The following STARD3NL variants were observed in gnomAD, a reference collection of about 807,000 sequenced individuals.
STARD3NL encodes STARD3 N-terminal-like protein.
Under a neutral mutation model 30.9 loss-of-function variants are expected in STARD3NL, and 17 were observed. The ratio of observed to expected loss-of-function variants is 0.55; its 90% CI spans 0.38 to 0.82. The LOEUF (loss-of-function observed/expected upper bound fraction) is 0.82, where lower values mean the gene tolerates loss of function less well. Among genes scored for constraint, STARD3NL ranks in the 40% least tolerant of loss-of-function variants. The pLI is 0.00. For missense variants in STARD3NL, 234 were observed against 277.6 expected, an observed-to-expected ratio of 0.84 and a Z score of 1.12; for synonymous variants, 112 against 100.5, an observed-to-expected ratio of 1.11 and a Z score of -0.69.
intron 1 of STARD3NL, among the ~76,000 whole-genome samples, chr7:38,204,708 G>C (rs1785360950): frequency 6.6e-6 from 1 of 151,716 alleles, no homozygotes; most frequent in African/African-American, 2.4e-5. Context: ...CTGGTTTTTT[G>C]AAAAGATCAA....
At chr7:38,210,601 G>C (rs1353002521) in intron 2 of STARD3NL, among the ~76,000 whole-genome samples, 1 of 152,120 alleles carries the variant, frequency 6.6e-6, no homozygotes, top group Non-Finnish European at 1.5e-5. Flanking sequence ...AAGGCCTCTT[G>C]GTCCACCTTT....
chr7:38,208,036 G>T (rs1013712405), intron 2 of STARD3NL, among the ~76,000 whole-genome samples: 3 of 152,154 alleles, frequency 2.0e-5, no homozygotes, highest in African/African-American at 7.2e-5. Context: ...TTTTAATAAA[G>T]TTTTATTGGA....
At chr7:38,179,670 G>T (rs1784168359) in intron 1 of STARD3NL, among the ~76,000 whole-genome samples, 1 of 152,208 alleles carries the variant, frequency 6.6e-6, no homozygotes, top group Non-Finnish European at 1.5e-5. Flanking sequence ...TTTTGTTGGA[G>T]AATATAATAA....
chr7:38,202,921 G>A (rs1028228600), intron 1 of STARD3NL, among the ~76,000 whole-genome samples: 9 of 151,896 alleles, frequency 5.9e-5, no homozygotes, highest in Admixed American at 2.6e-4. Flanking sequence ...TTTTATGGCT[G>A]CATAGTATTC....
intron 1 of STARD3NL, among the ~76,000 whole-genome samples, chr7:38,180,418 C>G (rs1245537855): frequency 6.6e-6 from 1 of 152,220 alleles, no homozygotes; most frequent in African/African-American, 2.4e-5. Flanking sequence ...TTGGTCCCTG[C>G]TCTTCTCCAA....
chr7:38,197,837 A>G (rs575087723), intron 1 of STARD3NL, among the ~76,000 whole-genome samples: 2 of 152,162 alleles, frequency 1.3e-5, no homozygotes, highest in Non-Finnish European at 2.9e-5. Context: ...CTAGCAAGGT[A>G]AGTTTATAAA....
At chr7:38,194,407 C>CTT (rs1562601408) in intron 1 of STARD3NL, among the ~76,000 whole-genome samples, 1 of 152,102 alleles carries the variant, frequency 6.6e-6, no homozygotes, top group Non-Finnish European at 1.5e-5. Flanking sequence ...CATCATCCTC[C>CTT]TTTTGGATTT....
intron 6 of STARD3NL, among the ~76,000 whole-genome samples, chr7:38,218,103 C>T (rs1786229664): frequency 6.6e-6 from 1 of 152,118 alleles, no homozygotes; most frequent in Non-Finnish European, 1.5e-5. Context: ...AGCCCACATG[C>T]CCCACCCACC....
Position 38,189,035 on chromosome 7 carries a change from T to C in STARD3NL, c.-59+10615T>C, listed in dbSNP as rs544844067. The stretch of plus-strand genomic sequence containing the variant: ...TTAAGTTCTGTTATGTGCACACAAT[T>C]ACTTTTATCTGCTGATGGTAATAGA... On this transcript the variant is annotated intron_variant, in intron 1 of 8. Transcript: ENST00000009041. Among the ~76,000 whole-genome samples, 9 of 152,314 alleles carry C rather than the reference T, an allele frequency of 5.9e-5. No individual in the cohort carries two copies. The East Asian group carries it at 1.7e-3, about 29-fold the overall frequency.
intron 2 of STARD3NL, among the ~76,000 whole-genome samples, chr7:38,211,348 AT>A (rs57424331): frequency 0.076 from 11,497 of 151,956 alleles, 1,420 homozygotes; most frequent in African/African-American, 0.26. Context: ...AGATGGGAGG[AT>A]GATCTGGGAA....
chr7:38,199,352 GT>G (rs1455245258), intron 1 of STARD3NL, among the ~76,000 whole-genome samples: 3 of 152,184 alleles, frequency 2.0e-5, no homozygotes, highest in African/African-American at 7.2e-5. Flanking sequence ...AAAACAAACA[GT>G]TGTAATCTCC....
At chr7:38,179,491 T>G (rs1784160219) in intron 1 of STARD3NL, among the ~76,000 whole-genome samples, 1 of 152,268 alleles carries the variant, frequency 6.6e-6, no homozygotes, top group African/African-American at 2.4e-5. Flanking sequence ...AAACAGCCTC[T>G]GAGGGATATT....
At chr7:38,186,822 C>G (rs1784479112) in intron 1 of STARD3NL, among the ~76,000 whole-genome samples, 1 of 152,040 alleles carries the variant, frequency 6.6e-6, no homozygotes, top group South Asian at 2.1e-4. Flanking sequence ...AAAATGTATC[C>G]CTGTCATTAA....
At chr7:38,194,764 G>T (rs1784833471) in intron 1 of STARD3NL, among the ~76,000 whole-genome samples, 1 of 151,990 alleles carries the variant, frequency 6.6e-6, no homozygotes, top group African/African-American at 2.4e-5. Flanking sequence ...TGGTGGTCTA[G>T]TTTTGTGATC....
At chr7:38,216,924 C>A in intron 4 of STARD3NL, 101 bp from the exon 5 acceptor site, 2 of 1,425,054 alleles carry the variant, frequency 1.4e-6, no homozygotes, top group South Asian at 2.5e-5. Context: ...GTTTTTCAGG[C>A]CTTGCCTGCT....
At chr7:38,193,499 T>C (rs905142152) in intron 1 of STARD3NL, among the ~76,000 whole-genome samples, 10 of 152,066 alleles carry the variant, frequency 6.6e-5, no homozygotes, top group Non-Finnish European at 8.8e-5. Context: ...GGGGTTTCAC[T>C]GTGTTAGCCA....
chr7:38,198,517 A>T (rs149506072), intron 1 of STARD3NL, among the ~76,000 whole-genome samples: 1 of 152,238 alleles, frequency 6.6e-6, no homozygotes, highest in Non-Finnish European at 1.5e-5. Context: ...CTCTAAGCCA[A>T]ATCATCTCCA....
chr7:38,219,528 G>C (rs778500230), intron 6 of STARD3NL, 37 bp from the exon 7 acceptor site: 1 of 1,483,568 alleles, frequency 6.7e-7, no homozygotes, highest in South Asian at 1.2e-5. Context: ...CCAGAAAGGT[G>C]ACCTCATTCC....
In STARD3NL at chr7:38,225,190, TTG is replaced by T. The variant is rs551419611; in HGVS notation, c.650-3605_650-3604del. Among the ~76,000 whole-genome samples, 41 of 152,328 alleles carry T rather than the reference TTG, an allele frequency of 2.7e-4. 2 individuals are homozygous for T. In the South Asian group the frequency reaches 6.8e-3, roughly 25 times the overall value. ...CTCAAGTCTTTTGCCATATTTTTAA[TTG>T]TGTTTTCTTTTTATTATTGAGTTGT... On this transcript the variant is annotated intron_variant, in intron 7 of 8. Coordinates refer to ENST00000009041, the MANE Select transcript of STARD3NL (RefSeq NM_032016.4).
Sources: allele counts gnomAD v4.1 joint callset (sites outside exome capture counted in the v4.1 genomes callset), GRCh38; gene constraint gnomAD v4.1.1; transcripts MANE v1.5; gene names NCBI Gene and HGNC (gene_info 2026-07-23, HGNC 2026-07-21).